Variants in FBXW7 observed in about 807,000 individuals in gnomAD.
FBXW7 encodes the protein F-box and WD repeat domain containing 7.
A neutral mutation model predicts 86.3 loss-of-function variants in FBXW7; 11 were observed. The ratio of observed to expected loss-of-function variants is 0.13; its 90% CI spans 0.08 to 0.21. FBXW7 has a LOEUF of 0.21. Among genes scored for constraint, FBXW7 ranks in the 10% least tolerant of loss-of-function variants. The probability of loss-of-function intolerance (pLI) is 1.00; values close to 1 mark genes in which losing one functional copy is unlikely to be tolerated. For missense variants in FBXW7, 488 were observed against 847.4 expected, an observed-to-expected ratio of 0.58 and a Z score of 5.27; for synonymous variants, 313 against 297.9, an observed-to-expected ratio of 1.05 and a Z score of -0.52.
intron 2 of FBXW7, among the ~76,000 whole-genome samples, chr4:152,484,433 T>C (rs1267570408): frequency 6.6e-6 from 1 of 152,062 alleles, no homozygotes; most frequent in Non-Finnish European, 1.5e-5. Context: ...AAAGAGAAGC[T>C]CAGATATGGC....
At chr4:152,360,785 G>A (rs974211583) in intron 4 of FBXW7, among the ~76,000 whole-genome samples, 3 of 150,950 alleles carry the variant, frequency 2.0e-5, no homozygotes, top group Non-Finnish European at 2.9e-5. Context: ...ATGTGTGTGC[G>A]CACTGTGTAT....
intron 2 of FBXW7, among the ~76,000 whole-genome samples, chr4:152,482,500 T>G (rs1419268038): frequency 6.6e-6 from 1 of 152,204 alleles, no homozygotes; most frequent in Non-Finnish European, 1.5e-5. Flanking sequence ...CTTTTTTACA[T>G]AATTCCTCAG....
At chr4:152,324,431 A>C in intron 12 of FBXW7, 37 bp from the exon 13 acceptor site, 1 of 1,482,386 alleles carries the variant, frequency 6.7e-7, no homozygotes, top group Non-Finnish European at 9.2e-7. Context: ...AGAAGTATGG[A>C]TACTCTTCCT....
At chr4:152,340,740 C>T (rs944042904) in intron 6 of FBXW7, among the ~76,000 whole-genome samples, 1 of 152,152 alleles carries the variant, frequency 6.6e-6, no homozygotes, top group Non-Finnish European at 1.5e-5. Context: ...CAGCTTTCCT[C>T]TCTCCAGCCT....
chr4:152,496,597 G>A (rs1207281087), intron 2 of FBXW7, among the ~76,000 whole-genome samples: 5 of 151,562 alleles, frequency 3.3e-5, no homozygotes, highest in East Asian at 3.9e-4. Context: ...AAAATCACTC[G>A]AAACAGGGAG....
At chr4:152,394,897 T>C (rs142504868) in intron 4 of FBXW7, among the ~76,000 whole-genome samples, 28 of 152,212 alleles carry the variant, frequency 1.8e-4, no homozygotes, top group Admixed American at 1.4e-3. Flanking sequence ...CCCCCGTAGT[T>C]TGACCTTAGA....
intron 4 of FBXW7, among the ~76,000 whole-genome samples, chr4:152,388,347 A>C (rs1235501658): frequency 6.6e-6 from 1 of 152,186 alleles, no homozygotes; most frequent in Non-Finnish European, 1.5e-5. Context: ...GTGTTATAAA[A>C]ATGTGACCTG....
intron 4 of FBXW7, among the ~76,000 whole-genome samples, chr4:152,387,867 C>A (rs538172815): frequency 3.3e-4 from 50 of 151,960 alleles, no homozygotes; most frequent in African/African-American, 1.2e-3. Context: ...CACCACCACG[C>A]CCAGCTAATT....
At chr4:152,463,422 C>A (rs1272391651) in intron 2 of FBXW7, among the ~76,000 whole-genome samples, 4 of 152,184 alleles carry the variant, frequency 2.6e-5, no homozygotes, top group Admixed American at 6.5e-5. Context: ...TTTCCACCAT[C>A]TGCAGACAAA....
intron 2 of FBXW7, among the ~76,000 whole-genome samples, chr4:152,435,655 G>C (rs1382091510): frequency 6.6e-6 from 1 of 152,190 alleles, no homozygotes; most frequent in Admixed American, 6.5e-5. Flanking sequence ...CTTCTGAGTA[G>C]ACGATTTTTT....
intron 2 of FBXW7, among the ~76,000 whole-genome samples, chr4:152,434,967 C>CA (rs966722586): frequency 6.6e-6 from 1 of 151,062 alleles, no homozygotes; most frequent in Non-Finnish European, 1.5e-5. Context: ...CTCCCCCCCC[C>CA]CCACACACAA....
At chr4:152,463,553 TA>T (rs945617103) in intron 2 of FBXW7, among the ~76,000 whole-genome samples, 1 of 152,014 alleles carries the variant, frequency 6.6e-6, no homozygotes, top group African/African-American at 2.4e-5. Flanking sequence ...GGTGGACAGT[TA>T]AAACCATTAT....
intron 2 of FBXW7, among the ~76,000 whole-genome samples, chr4:152,429,920 A>G (rs1417935187): frequency 1.3e-5 from 2 of 152,140 alleles, no homozygotes; most frequent in Non-Finnish European, 2.9e-5. Flanking sequence ...CTGTATCTTG[A>G]GTAGCTAAAT....
intron 4 of FBXW7, among the ~76,000 whole-genome samples, chr4:152,377,571 G>A (rs1734664519): frequency 6.7e-6 from 1 of 149,906 alleles, no homozygotes; most frequent in African/African-American, 2.5e-5. Flanking sequence ...GGCCAACATG[G>A]TGGAGCCCTG....
rs539992214 is a variant in FBXW7, at chr4:152,535,385, C to A, written c.-471G>T. On this transcript the variant is annotated 5_prime_UTR_variant, in exon 1 of 14. Coordinates refer to ENST00000281708, the MANE Select transcript of FBXW7 (RefSeq NM_001349798.2). The stretch of plus-strand genomic sequence containing the variant: ...GCCGGCGACTGGCCAAGGGAGAAGA[C>A]CCCCGGAGGGGGCTGAGGGGAGGGG... The A allele has an allele frequency of 2.6e-6, 1 of 381,952 alleles. No homozygotes were observed. Among genetic ancestry groups the A allele is most frequent in the Admixed American group, 4.5e-5 (1 of 22,130 alleles). 23.7% of individuals were successfully genotyped at this position (381,952 alleles called of 1,614,324 possible). A position where few individuals can be genotyped will look rare whatever the true frequency, so the allele number is the denominator to read the frequency against.
intron 4 of FBXW7, among the ~76,000 whole-genome samples, chr4:152,372,716 T>C (rs74900740): frequency 1.2e-3 from 180 of 152,142 alleles, no homozygotes; most frequent in East Asian, 0.011. Context: ...TAAGTTAGTT[T>C]CTGTAAAACC....
Position 152,324,180 on chromosome 4 carries a change from T to A in FBXW7, c.1855+4A>T, listed in dbSNP as rs1340313777. 6.2e-7 allele frequency: 1 copy of A among 1,608,836 alleles called. No individual in the cohort carries two copies. The highest frequency in any genetic ancestry group is 1.1e-5 in the South Asian group (1 of 90,874). On this transcript the variant is annotated splice_donor_region_variant and intron_variant, in intron 13 of 13. Coordinates refer to ENST00000281708, the MANE Select transcript of FBXW7 (RefSeq NM_001349798.2). Reference sequence around the variant, plus strand: ...GAACAAAACGAAAGGTGAGTAAGACTTACCTTGCAATGTTTGTAAACACTG... The same window carrying A: ...GAACAAAACGAAAGGTGAGTAAGACATACCTTGCAATGTTTGTAAACACTG...
chr4:152,352,991 G>A (rs1447728424), intron 4 of FBXW7: 28 of 1,268,598 alleles, frequency 2.2e-5, no homozygotes, highest in Non-Finnish European at 2.5e-5. Flanking sequence ...GAGGATGTGG[G>A]CAGCAGAGAC....
intron 4 of FBXW7, among the ~76,000 whole-genome samples, chr4:152,400,106 T>C (rs1736781232): frequency 6.6e-6 from 1 of 152,090 alleles, no homozygotes; most frequent in Non-Finnish European, 1.5e-5. Context: ...GAATTAAAAG[T>C]AGATGAATGG....
Sources: gnomAD v4.1 joint callset for allele counts (sites outside exome capture counted in the v4.1 genomes callset) on GRCh38, gnomAD v4.1.1 for gene constraint, MANE v1.5 for transcripts, NCBI Gene and HGNC (gene_info 2026-07-23, HGNC 2026-07-21) for gene names.